Variants in GRM7 observed in about 807,000 individuals in gnomAD.
GRM7 encodes the protein metabotropic glutamate receptor 7.
GRM7 carries 35 observed loss-of-function variants against 84.5 expected under a neutral mutation model. That is an observed-to-expected ratio of 0.41 (90% CI 0.32 to 0.55). GRM7 has a LOEUF of 0.55. GRM7 is among the 20% of genes least tolerant of loss of function. The pLI is 0.19. For synonymous variants in GRM7, 487 were observed against 455.1 expected, an observed-to-expected ratio of 1.07 and a Z score of -0.89; for missense variants, 1,003 against 1,194.6, an observed-to-expected ratio of 0.84 and a Z score of 2.36.
chr3:7,504,506 TCA>T (rs1699980697), intron 7 of GRM7, among the ~76,000 whole-genome samples: 1 of 152,236 alleles, frequency 6.6e-6, no homozygotes. Context: ...TTTATTTAGC[TCA>T]CAGTTCTGGA....
chr3:7,110,939 C>T (rs1046424908), intron 1 of GRM7, among the ~76,000 whole-genome samples: 1 of 151,946 alleles, frequency 6.6e-6, no homozygotes. Flanking sequence ...GTCTGAGATA[C>T]AAGTTGAAGT....
chr3:7,344,289 A>G (rs929169038), intron 4 of GRM7, among the ~76,000 whole-genome samples: 4 of 151,988 alleles, frequency 2.6e-5, no homozygotes, highest in Admixed American at 6.6e-5. Context: ...GTTACCCTCT[A>G]TGTGTCCATG....
chr3:7,275,782 C>G (rs559212358), intron 2 of GRM7, among the ~76,000 whole-genome samples: 11 of 152,118 alleles, frequency 7.2e-5, no homozygotes, highest in Non-Finnish European at 1.3e-4. Flanking sequence ...GGATTTTTCT[C>G]ACATATATTC....
chr3:7,365,789 T>C (rs1693864868), intron 4 of GRM7, among the ~76,000 whole-genome samples: 1 of 151,128 alleles, frequency 6.6e-6, no homozygotes, highest in African/African-American at 2.4e-5. Context: ...TTATAGCTTC[T>C]TTCACACTTG....
intron 1 of GRM7, among the ~76,000 whole-genome samples, chr3:7,116,025 A>G (rs982721445): frequency 4.6e-5 from 7 of 152,182 alleles, no homozygotes; most frequent in Admixed American, 1.3e-4. Flanking sequence ...AGACCCTGGC[A>G]ATAAAACTGC....
At chr3:7,048,637 G>A (rs909495231) in intron 1 of GRM7, among the ~76,000 whole-genome samples, 2 of 151,828 alleles carry the variant, frequency 1.3e-5, no homozygotes, top group Non-Finnish European at 2.9e-5. Flanking sequence ...ACAACATAAA[G>A]GTTTTGATAT....
intron 9 of GRM7, among the ~76,000 whole-genome samples, chr3:7,726,910 C>A (rs1422386443): frequency 6.6e-6 from 1 of 151,048 alleles, no homozygotes; most frequent in East Asian, 1.9e-4. Flanking sequence ...CATTTTTAAT[C>A]TTTTTGTTTC....
At chr3:7,256,644 C>T (rs1225273138) in intron 2 of GRM7, among the ~76,000 whole-genome samples, 1 of 148,990 alleles carries the variant, frequency 6.7e-6, no homozygotes, top group African/African-American at 2.6e-5. Context: ...CACACACACA[C>T]ATACACACAC....
intron 8 of GRM7, among the ~76,000 whole-genome samples, chr3:7,601,638 C>T (rs754226985): frequency 6.6e-6 from 1 of 152,002 alleles, no homozygotes; most frequent in Non-Finnish European, 1.5e-5. Flanking sequence ...GGCTTGAATA[C>T]CAAGGAGATG....
intron 8 of GRM7, among the ~76,000 whole-genome samples, chr3:7,610,270 C>T (rs1696788685): frequency 6.6e-6 from 1 of 152,156 alleles, no homozygotes; most frequent in Non-Finnish European, 1.5e-5. Context: ...CATGAATTGT[C>T]TGCTGAGTAA....
intron 6 of GRM7, among the ~76,000 whole-genome samples, chr3:7,454,122 T>C (rs990596516): frequency 6.6e-6 from 1 of 151,576 alleles, no homozygotes; most frequent in Non-Finnish European, 1.5e-5. Context: ...TCTCTCTCTC[T>C]CTCTCTCATA....
At chr3:7,083,579 C>T (rs757884967) in intron 1 of GRM7, among the ~76,000 whole-genome samples, 7 of 152,104 alleles carry the variant, frequency 4.6e-5, no homozygotes, top group Non-Finnish European at 1.0e-4. Flanking sequence ...ATTCATCACT[C>T]TTTCTGTAGG....
At chr3:7,629,109 G>A (rs1266305263) in intron 8 of GRM7, among the ~76,000 whole-genome samples, 1 of 152,188 alleles carries the variant, frequency 6.6e-6, no homozygotes, top group African/African-American at 2.4e-5. Context: ...CTTGACTGCT[G>A]CAGCTTAAAA....
At position 7,562,145 on chromosome 3, in the gene GRM7, CA is replaced by C. The variant is rs1469662618; in HGVS notation, c.1516-16276del. On this transcript the variant is annotated intron_variant, in intron 7 of 9. Coordinates refer to ENST00000357716, the MANE Select transcript of GRM7 (RefSeq NM_000844.4). ...AGGCTTTTTGTAGGAAGCATTAACC[CA>C]TTGCCCTGTAAGACAGAGGTTGACT... 2.0e-5 allele frequency among the ~76,000 whole-genome samples: 3 copies of C among 152,154 alleles called. No homozygotes were observed. In the East Asian group the frequency reaches 5.8e-4, roughly 29 times the overall value.
At chr3:7,459,790 A>G (rs533971070) in intron 6 of GRM7, among the ~76,000 whole-genome samples, 28 of 152,146 alleles carry the variant, frequency 1.8e-4, no homozygotes, top group East Asian at 1.4e-3. Flanking sequence ...CATTACCTGG[A>G]TATGTTTCCT....
chr3:7,497,288 A>G (rs764896792), intron 7 of GRM7, among the ~76,000 whole-genome samples: 9 of 152,170 alleles, frequency 5.9e-5, no homozygotes, highest in Non-Finnish European at 1.2e-4. Context: ...AGGTGACCAC[A>G]TCACAGCCAA....
intron 7 of GRM7, among the ~76,000 whole-genome samples, chr3:7,529,854 C>CTGTTGT (rs536908211): frequency 4.0e-5 from 6 of 150,720 alleles, no homozygotes; most frequent in African/African-American, 1.2e-4. Flanking sequence ...AACAAATAAG[C>CTGTTGT]TGTTGTTGTT....
At chr3:7,714,487 G>A (rs909924651) in intron 9 of GRM7, among the ~76,000 whole-genome samples, 7 of 152,066 alleles carry the variant, frequency 4.6e-5, no homozygotes, top group Admixed American at 6.5e-5. Flanking sequence ...TTGGATTGTC[G>A]ACCAGCAGCA....
At chr3:7,473,304 C>A (rs1229482816) in intron 7 of GRM7, among the ~76,000 whole-genome samples, 12 of 151,784 alleles carry the variant, frequency 7.9e-5, no homozygotes, top group Non-Finnish European at 1.8e-4. Context: ...CCCATCTATA[C>A]AAAAATTTTA....
Sources: allele counts gnomAD v4.1 joint callset (sites outside exome capture counted in the v4.1 genomes callset), GRCh38; gene constraint gnomAD v4.1.1; transcripts MANE v1.5; gene names NCBI Gene and HGNC (gene_info 2026-07-23, HGNC 2026-07-21).